The following TMPRSS4 variants were observed in gnomAD, a reference collection of about 807,000 sequenced individuals.
TMPRSS4 encodes transmembrane protease serine 4.
A neutral mutation model predicts 56.4 loss-of-function variants in TMPRSS4; 45 were observed. The ratio of observed to expected loss-of-function variants is 0.80; its 90% confidence interval spans 0.63 to 1.02. The LOEUF (loss-of-function observed/expected upper bound fraction) is 1.02, where lower values mean the gene tolerates loss of function less well. Among genes scored for constraint, TMPRSS4 ranks in the 50% least tolerant of loss-of-function variants. The probability of loss-of-function intolerance (pLI) is 0.00; values close to 1 mark genes in which losing one functional copy is unlikely to be tolerated. For synonymous variants in TMPRSS4, 205 were observed against 211.0 expected (o/e 0.97, Z 0.25); for missense variants, 546 against 556.7 (o/e 0.98, Z 0.19).
In TMPRSS4 at chr11:118,118,742, T is replaced by C. The variant is rs1947690555; in HGVS notation, c.*829T>C. The C allele has an allele frequency of 2.0e-6, 2 of 985,378 alleles. No homozygotes were observed. The allele number at this position is 985,378 out of a possible 1,614,324, so 61.0% of individuals were successfully genotyped here. ...CCAGGAGCCAGGGATAACCTATGAC[T>C]TGGGAAAGAGATGAGTTAGGCAGTC... On this transcript the variant is annotated 3_prime_UTR_variant, in exon 13 of 13. Transcript: ENST00000437212.
intron 11 of TMPRSS4, among the ~76,000 whole-genome samples, chr11:118,116,662 T>C (rs1339033459): frequency 6.6e-6 from 1 of 151,928 alleles, no homozygotes; most frequent in Non-Finnish European, 1.5e-5. Context: ...ATAGGCACTC[T>C]ATAAGTGATT....
chr11:118,097,016 GAAA>G lies in TMPRSS4; in HGVS notation c.44-1968_44-1966del, dbSNP rs1565423644. Among the ~76,000 whole-genome samples the G allele has an allele frequency of 1.8e-3, 110 of 62,812 alleles. 2 individuals are homozygous for G. Among genetic ancestry groups the G allele is most frequent in the African/African-American group, 5.9e-3 (101 of 16,998 alleles). 41.2% of individuals were successfully genotyped at this position (62,812 alleles called of 152,430 possible). A position where few individuals can be genotyped will look rare whatever the true frequency, so the allele number is the denominator to read the frequency against. On this transcript the variant is annotated intron_variant, in intron 2 of 12. Transcript: ENST00000437212. ...AGAAAGAAAGAAAGAAAGAAAGAAA[GAAA>G]GAAAGAAAGAAAGAAAAGGAAAGAA...
At chr11:118,117,617 G>A (rs1296267033) in intron 12 of TMPRSS4, 163 bp downstream of exon 12, 4 of 981,578 alleles carry the variant, frequency 4.1e-6, no homozygotes, top group East Asian at 1.1e-4. Flanking sequence ...TATTAAGGCT[G>A]AAATTCCTTA....
chr11:118,108,113 C>A, intron 6 of TMPRSS4: 1 of 475,902 alleles, frequency 2.1e-6, no homozygotes, highest in Non-Finnish European at 3.8e-6. Flanking sequence ...TGTTGTCCTA[C>A]TCAGAGCCAG....
rs1947787150 is a variant in TMPRSS4 at position 118,121,367 on chromosome 11, T to TTCC, written c.*3456_*3457insCTC. 6.6e-6 allele frequency: 1 copy of TTCC among 151,770 alleles called. No homozygotes were observed. Among genetic ancestry groups the TTCC allele is most frequent in the Admixed American group, 6.6e-5 (1 of 15,234 alleles). The allele number at this position is 151,770 out of a possible 1,614,324, so 9.4% of individuals were successfully genotyped here. A position where few individuals can be genotyped will look rare whatever the true frequency, so the allele number is the denominator to read the frequency against. On this transcript the variant is annotated 3_prime_UTR_variant, in exon 13 of 13. Coordinates refer to ENST00000437212, the MANE Select transcript of TMPRSS4 (RefSeq NM_019894.4). The stretch of plus-strand genomic sequence containing the variant: ...CTTCTTCTTCTTCTTCTTCTTCTTC[T>TTCC]TCTTATTTTGAGACTGAGTCTTGCC...
intron 9 of TMPRSS4, 33 bp from the exon 10 acceptor site, chr11:118,114,796 A>C: frequency 6.4e-7 from 1 of 1,554,450 alleles, no homozygotes; most frequent in Non-Finnish European, 8.8e-7. Context: ...ATGATGAATA[A>C]AAGATCTCCT....
intron 10 of TMPRSS4, 33 bp downstream of exon 10, chr11:118,114,960 G>A (rs1410510646): frequency 3.8e-6 from 6 of 1,568,756 alleles, no homozygotes; most frequent in South Asian, 3.5e-5. Context: ...CAGGGCAGGA[G>A]ATGCCCTTGT....
intron 2 of TMPRSS4, among the ~76,000 whole-genome samples, chr11:118,096,881 A>G (rs1466688259): frequency 3.8e-5 from 2 of 52,790 alleles, no homozygotes; most frequent in East Asian, 3.3e-4. Context: ...GAAAGAAAGA[A>G]AGAAAGAAAG....
At chr11:118,124,010 G>T (rs1484124529), downstream of TMPRSS4, among the ~76,000 whole-genome samples, 1 of 152,140 alleles carries the variant, frequency 6.6e-6, no homozygotes, top group African/African-American at 2.4e-5. Context: ...CAATGATATA[G>T]TTAAGTAAGA....
In TMPRSS4 at chr11:118,121,258, C is replaced by T. The variant is rs1042495642; in HGVS notation, c.*3345C>T. 6.6e-6 allele frequency: 1 copy of T among 152,154 alleles called. No individual in the cohort carries two copies. The highest frequency in any genetic ancestry group is 2.4e-5 in the African/African-American group (1 of 41,432). 9.4% of individuals were successfully genotyped at this position (152,154 alleles called of 1,614,324 possible). On this transcript the variant is annotated 3_prime_UTR_variant, in exon 13 of 13. Coordinates refer to ENST00000437212, the MANE Select transcript of TMPRSS4 (RefSeq NM_019894.4). ...TTACTTTAGGAAGAAGGAAAATGATCCTAAAAGGAAGAACCAAGAAGCAAG... is the reference window on the plus strand; with the variant it reads ...TTACTTTAGGAAGAAGGAAAATGATTCTAAAAGGAAGAACCAAGAAGCAAG...
chr11:118,118,030 C>T lies in TMPRSS4; in HGVS notation c.*117C>T. 6.3e-7 allele frequency: 1 copy of T among 1,579,350 alleles called. No individual in the cohort carries two copies. The highest frequency in any genetic ancestry group is 8.6e-7 in the Non-Finnish European group (1 of 1,167,216). On this transcript the variant is annotated 3_prime_UTR_variant, in exon 13 of 13. Transcript: ENST00000437212. ...CTTGGGTACACCCCTCTGCCCACAG[C>T]CTCAGCATTTCTTGGAGCAGCAAAG... is the stretch of plus-strand genomic sequence containing the variant.
chr11:118,087,671 C>G (rs901866755), intron 1 of TMPRSS4: 3 of 152,224 alleles, frequency 2.0e-5, no homozygotes, highest in Non-Finnish European at 2.9e-5. Context: ...TGCCTTGTAT[C>G]TGGGTTCATT....
At position 118,085,695 on chromosome 11, in the gene TMPRSS4, G is replaced by A. The variant is rs185029113; in HGVS notation, c.3+8390G>A. 1.1e-4 allele frequency among the ~76,000 whole-genome samples: 17 copies of A among 152,288 alleles called. No homozygotes were observed. The East Asian group carries it at 3.1e-3, about 28-fold the overall frequency. Reference sequence around the variant, plus strand: ...TTAAAATCCATCAGCCCTTCCCAATGGCAAACCCATGAGGGTCCCTGCCAG... The same window carrying A: ...TTAAAATCCATCAGCCCTTCCCAATAGCAAACCCATGAGGGTCCCTGCCAG... On this transcript the variant is annotated intron_variant, in intron 1 of 12. Transcript: ENST00000437212.
chr11:118,099,379 G>A (rs1946599893), intron 3 of TMPRSS4, among the ~76,000 whole-genome samples: 1 of 150,224 alleles, frequency 6.7e-6, no homozygotes, highest in African/African-American at 2.5e-5. Flanking sequence ...ATAAAGCTTT[G>A]CAGAAAAAAT....
At chr11:118,124,678 G>A (rs117559499), downstream of TMPRSS4, among the ~76,000 whole-genome samples, 8 of 152,164 alleles carry the variant, frequency 5.3e-5, no homozygotes, top group East Asian at 9.7e-4. Flanking sequence ...TTGATATGTC[G>A]AGCAGGTGAA....
chr11:118,099,742 A>C (rs1449490775), intron 3 of TMPRSS4, among the ~76,000 whole-genome samples: 1 of 152,126 alleles, frequency 6.6e-6, no homozygotes. Flanking sequence ...CTGGAAGAAC[A>C]GGGCGAGTTT....
Position 118,121,614 on chromosome 11 carries a change from C to T in TMPRSS4, c.*3701C>T, listed in dbSNP as rs1794840667. The T allele has an allele frequency of 6.6e-6, 1 of 152,218 alleles. No homozygotes were observed. Among genetic ancestry groups the T allele is most frequent in the Non-Finnish European group, 1.5e-5 (1 of 68,048 alleles). 9.4% of individuals were successfully genotyped at this position (152,218 alleles called of 1,614,324 possible). A position where few individuals can be genotyped will look rare whatever the true frequency, so the allele number is the denominator to read the frequency against. ...CCTCAAGTGATCCCCCCGCCTCGGC[C>T]TCCCAAAGTGCTGGGATTACAGGCG... On this transcript the variant is annotated 3_prime_UTR_variant, in exon 13 of 13. Transcript: ENST00000437212.
intron 1 of TMPRSS4, among the ~76,000 whole-genome samples, chr11:118,091,033 G>A (rs1369781871): frequency 1.3e-5 from 2 of 152,118 alleles, no homozygotes; most frequent in Non-Finnish European, 2.9e-5. Context: ...ATGCAGGCAT[G>A]CATGCACAGG....
intron 5 of TMPRSS4, among the ~76,000 whole-genome samples, chr11:118,105,077 G>C (rs1470214283): frequency 6.7e-6 from 1 of 149,978 alleles, no homozygotes; most frequent in Non-Finnish European, 1.5e-5. Context: ...AATGTGTGCT[G>C]CCCTCCAACA....
Sources: allele counts gnomAD v4.1 joint callset (sites outside exome capture counted in the v4.1 genomes callset), GRCh38; gene constraint gnomAD v4.1.1; transcripts MANE v1.5; gene names NCBI Gene and HGNC (gene_info 2026-07-23, HGNC 2026-07-21).